Variants in MILR1 observed in about 807,000 individuals in gnomAD.
MILR1 encodes allergin-1.
In MILR1, 31 loss-of-function variants were observed where a neutral mutation model predicts 18.5. The observed-to-expected ratio is 1.68, with a 90% CI of 1.26 to 2.26. The LOEUF (loss-of-function observed/expected upper bound fraction) is 2.26, where lower values mean the gene tolerates loss of function less well. Among genes scored for constraint, MILR1 ranks in the 30% most tolerant of loss-of-function variants. MILR1 has a pLI of 0.00. For missense variants in MILR1, 257 were observed against 157.4 expected, an observed-to-expected ratio of 1.63 and a Z score of -3.38; for synonymous variants, 85 against 56.2, an observed-to-expected ratio of 1.51 and a Z score of -2.30.
chr17:64,485,734 A>T, the MILR1 span: 1 of 1,612,556 alleles, frequency 6.2e-7, no homozygotes, highest in East Asian at 2.2e-5. Flanking sequence ...GCACCTTTCT[A>T]TGAAGATTTT....
the MILR1 span, among the ~76,000 whole-genome samples, chr17:64,493,629 C>T: frequency 3.3e-5 from 5 of 151,872 alleles, no homozygotes; most frequent in Non-Finnish European, 7.4e-5. Flanking sequence ...GGACTACAGG[C>T]GCCCGCCACC....
At chr17:64,467,176 G>A (rs1238512753) in intron 8 of MILR1, among the ~76,000 whole-genome samples, 1 of 150,968 alleles carries the variant, frequency 6.6e-6, no homozygotes, top group East Asian at 1.9e-4. Context: ...CACAATCTCA[G>A]CTCACTGCAC....
chr17:64,497,127 TC>T, the MILR1 span: 3 of 754,688 alleles, frequency 4.0e-6, no homozygotes, highest in South Asian at 4.5e-5. Context: ...ATGTCTGCGT[TC>T]CGGCCGCAGC....
At chr17:64,456,722 A>AG (rs2037309215) in intron 3 of MILR1, among the ~76,000 whole-genome samples, 1 of 152,114 alleles carries the variant, frequency 6.6e-6, no homozygotes, top group Non-Finnish European at 1.5e-5. Context: ...GGATCACTTG[A>AG]GCCTGGGAGT....
chr17:64,483,278 C>G, the MILR1 span, among the ~76,000 whole-genome samples: 1 of 152,120 alleles, frequency 6.6e-6, no homozygotes, highest in Non-Finnish European at 1.5e-5. Context: ...CTTTGGGAGG[C>G]TGAGGCAGGT....
At chr17:64,462,218 C>T (rs904484678) in intron 5 of MILR1, among the ~76,000 whole-genome samples, 5 of 151,954 alleles carry the variant, frequency 3.3e-5, no homozygotes, top group East Asian at 3.8e-4. Context: ...TAAATGGAGA[C>T]GGGGCCTCAC....
At position 64,458,993 on chromosome 17, in the gene MILR1, G is replaced by A. The variant is rs972468662; in HGVS notation, c.652+1309G>A. 4.3e-3 allele frequency among the ~76,000 whole-genome samples: 662 copies of A among 152,324 alleles called. 1 individual carries two copies. Among genetic ancestry groups the A allele is most frequent in the Non-Finnish European group, 7.4e-3 (500 of 68,022 alleles). On this transcript the variant is annotated intron_variant, in intron 4 of 9. Transcript: ENST00000619286. ...CCTTAGGGTGCAGGTCAGAGCCCAG[G>A]TCGGGAGCGGGGCAGCCCGGGACTT...
chr17:64,452,093 T>TG (rs2037186510), intron 2 of MILR1, among the ~76,000 whole-genome samples: 17 of 151,142 alleles, frequency 1.1e-4, no homozygotes, highest in Non-Finnish European at 1.9e-4. Context: ...TTTTTTTTTT[T>TG]TTTTGTTCTG....
At chr17:64,471,179 G>A (rs1275833932), downstream of MILR1, among the ~76,000 whole-genome samples, 1 of 152,044 alleles carries the variant, frequency 6.6e-6, no homozygotes, top group African/African-American at 2.4e-5. Flanking sequence ...TTATGTAGGA[G>A]GTGGCCCTAG....
At chr17:64,460,357 A>G (rs1354492115) in intron 4 of MILR1, among the ~76,000 whole-genome samples, 2 of 151,616 alleles carry the variant, frequency 1.3e-5, no homozygotes, top group African/African-American at 2.4e-5. Flanking sequence ...TTATTTATAG[A>G]GACAGGGTCT....
rs369918739 is a variant in MILR1 at position 64,466,571 on chromosome 17, C to T, written c.911-23C>T. On this transcript the variant is annotated intron_variant, in intron 7 of 9. Transcript: ENST00000619286. ...AATTCACATAATTGGCCCAATAATTCCTATTCCTTATCTTTTGCCCAGAGG... is the reference window on the plus strand; with the variant it reads ...AATTCACATAATTGGCCCAATAATTTCTATTCCTTATCTTTTGCCCAGAGG... 6 of 1,610,990 alleles carry T rather than the reference C, an allele frequency of 3.7e-6. No individual in the cohort carries two copies. In the East Asian group the frequency reaches 6.7e-5, roughly 18 times the overall value.
the MILR1 span, among the ~76,000 whole-genome samples, chr17:64,484,391 A>G: frequency 6.6e-6 from 1 of 152,222 alleles, no homozygotes; most frequent in Non-Finnish European, 1.5e-5. Flanking sequence ...AGCATGTTCT[A>G]GAAATAGCAA....
the MILR1 span, chr17:64,496,997 CCCATCACTCAACGGATCCCAACAAG>C: frequency 6.3e-7 from 1 of 1,586,078 alleles, no homozygotes; most frequent in Non-Finnish European, 8.6e-7. Context: ...AGCACACTCT[CCCATCACTCAACGGATCCCAACAAG>C]CCACCACTAC....
the MILR1 span, among the ~76,000 whole-genome samples, chr17:64,484,450 A>G: frequency 3.9e-5 from 6 of 152,178 alleles, 1 homozygote; most frequent in Admixed American, 2.0e-4. Context: ...CAGCAGATCA[A>G]AAAGAGGGCT....
Position 64,465,289 on chromosome 17 carries a change from C to G in MILR1, c.764-163C>G, listed in dbSNP as rs2037528093. ...GGCTTGGAGGAGCGGTGTCTAGACT[C>G]CCTGTTGAGTCTATAGTTTTCCTTT... On this transcript the variant is annotated intron_variant, in intron 5 of 9. Coordinates refer to ENST00000619286, the MANE Select transcript of MILR1 (RefSeq NM_001085423.2). Among the ~76,000 whole-genome samples the G allele has an allele frequency of 2.6e-5, 4 of 152,168 alleles. No homozygotes were observed. In the South Asian group the frequency reaches 8.3e-4, roughly 32 times the overall value.
At chr17:64,459,979 TTA>T (rs1384809196) in intron 4 of MILR1, among the ~76,000 whole-genome samples, 1 of 135,726 alleles carries the variant, frequency 7.4e-6, no homozygotes, top group African/African-American at 2.7e-5. Context: ...TTTATTATTT[TTA>T]TTTTATTTTA....
chr17:64,457,313 G>T, intron 3 of MILR1, 87 bp from the exon 4 acceptor site: 1 of 420,466 alleles, frequency 2.4e-6, no homozygotes. Context: ...ACAGCCTGGA[G>T]TGGAGTAAGG....
At chr17:64,496,539 C>T in the MILR1 span, 1 of 1,613,920 alleles carries the variant, frequency 6.2e-7, no homozygotes, top group South Asian at 1.1e-5. Flanking sequence ...AACCTGAAGG[C>T]ACTGTCCCCG....
chr17:64,491,080 T>A, the MILR1 span: 1 of 856,934 alleles, frequency 1.2e-6, no homozygotes, highest in Non-Finnish European at 1.9e-6. Flanking sequence ...TCAGCAAATG[T>A]GCGAAACTAG....
Sources: gnomAD v4.1 joint callset for allele counts (sites outside exome capture counted in the v4.1 genomes callset) on GRCh38, gnomAD v4.1.1 for gene constraint, MANE v1.5 for transcripts, NCBI Gene and HGNC (gene_info 2026-07-23, HGNC 2026-07-21) for gene names.